FAM227B: variants seen among roughly 807,000 people sequenced by gnomAD.
The protein encoded by FAM227B is family with sequence similarity 227 member B.
A neutral mutation model predicts 73.8 loss-of-function variants in FAM227B; 88 were observed. The observed-to-expected ratio is 1.19, with a 90% confidence interval of 1.00 to 1.42. The LOEUF (loss-of-function observed/expected upper bound fraction) is 1.42, where lower values mean the gene tolerates loss of function less well. FAM227B is among the 40% of genes most tolerant of loss of function. The pLI, the probability that FAM227B is intolerant of heterozygous loss-of-function variation, is 0.00. For synonymous variants in FAM227B, 210 were observed against 190.5 expected, an observed-to-expected ratio of 1.10 and a Z score of -0.84; for missense variants, 632 against 590.9, an observed-to-expected ratio of 1.07 and a Z score of -0.72.
intron 13 of FAM227B, among the ~76,000 whole-genome samples, chr15:49,354,970 G>A (rs1211150221): frequency 6.6e-6 from 1 of 151,950 alleles, no homozygotes; most frequent in Non-Finnish European, 1.5e-5. Flanking sequence ...GCACCCCCCA[G>A]CAGGGGCACA....
In FAM227B at chr15:49,328,104, A is replaced by T. The variant is rs2037847614; in HGVS notation, c.*464T>A. On this transcript the variant is annotated 3_prime_UTR_variant, in exon 16 of 16. Coordinates refer to ENST00000299338, the MANE Select transcript of FAM227B (RefSeq NM_152647.3). ...GATGGAAGCTTAGCACCGGAGAAGC[A>T]AAGTTTGTTTGCTACCAAACCTGGA... 2 of 1,614,036 alleles carry T rather than the reference A, an allele frequency of 1.2e-6. No individual in the cohort carries two copies. Among genetic ancestry groups the T allele is most frequent in the African/African-American group, 2.7e-5 (2 of 74,926 alleles).
At chr15:49,422,175 CGCGTGCACGCGT>C (rs1271813863) in intron 11 of FAM227B, among the ~76,000 whole-genome samples, 11 of 127,370 alleles carry the variant, frequency 8.6e-5, no homozygotes, top group Admixed American at 8.5e-4. Flanking sequence ...CGCGCGCGCG[CGCGTGCACGCGT>C]GTGTGTTTTG....
At position 49,409,753 on chromosome 15, in the gene FAM227B, C is replaced by A. The variant is rs938692478; in HGVS notation, c.1013-38354G>T. ...TATTCCACTTCTTTCCCTGTTCTGG[C>A]AAACTATACCTAAGACTAGTTTCAT... On this transcript the variant is annotated intron_variant, in intron 11 of 15. Transcript: ENST00000299338. Among the ~76,000 whole-genome samples, 9 of 151,998 alleles carry A rather than the reference C, an allele frequency of 5.9e-5. 1 individual carries two copies. Among genetic ancestry groups the A allele is most frequent in the Admixed American group, 5.2e-4 (8 of 15,248 alleles).
intron 13 of FAM227B, 139 bp from the exon 14 acceptor site, chr15:49,335,635 T>C: frequency 1.8e-6 from 1 of 561,872 alleles, no homozygotes; most frequent in Non-Finnish European, 3.2e-6. Context: ...ACATGAATAT[T>C]ATGTCTGGAG....
At chr15:49,344,704 A>G (rs1445336431) in intron 13 of FAM227B, among the ~76,000 whole-genome samples, 2 of 152,216 alleles carry the variant, frequency 1.3e-5, no homozygotes, top group East Asian at 3.8e-4. Flanking sequence ...AATCTCAGTT[A>G]TGCCAGGTTT....
At chr15:49,354,504 G>T (rs921599201) in intron 13 of FAM227B, among the ~76,000 whole-genome samples, 16 of 152,188 alleles carry the variant, frequency 1.1e-4, no homozygotes, top group Non-Finnish European at 7.3e-5. Context: ...CTGGAAAATC[G>T]TGTCACTCCC....
intron 11 of FAM227B, among the ~76,000 whole-genome samples, chr15:49,386,395 G>A (rs1274071434): frequency 2.0e-5 from 3 of 151,642 alleles, no homozygotes; most frequent in Admixed American, 1.3e-4. Context: ...AGCTGCTTCT[G>A]ACTGATATCT....
intron 8 of FAM227B, among the ~76,000 whole-genome samples, 161 bp from the exon 9 acceptor site, chr15:49,568,507 G>A (rs1478452701): frequency 6.6e-6 from 1 of 151,976 alleles, no homozygotes; most frequent in Non-Finnish European, 1.5e-5. Flanking sequence ...AACACTGGCT[G>A]TTATGCATTG....
chr15:49,550,964 C>T (rs1305444359), intron 9 of FAM227B, among the ~76,000 whole-genome samples: 6 of 151,956 alleles, frequency 3.9e-5, no homozygotes, highest in African/African-American at 1.2e-4. Context: ...GAGCCGAGAT[C>T]ACACCACTGC....
intron 1 of FAM227B, among the ~76,000 whole-genome samples, chr15:49,617,644 C>A (rs2078373983): frequency 6.6e-6 from 1 of 152,042 alleles, no homozygotes; most frequent in South Asian, 2.1e-4. Flanking sequence ...AAATTCATCT[C>A]ATATTAGTTT....
At chr15:49,476,640 A>G (rs184114043) in intron 11 of FAM227B, among the ~76,000 whole-genome samples, 2 of 149,800 alleles carry the variant, frequency 1.3e-5, no homozygotes, top group Admixed American at 1.3e-4. Context: ...TTGGACATAA[A>G]TAAATAATGT....
intron 5 of FAM227B, among the ~76,000 whole-genome samples, chr15:49,581,777 T>G (rs1161223113): frequency 6.6e-6 from 1 of 152,026 alleles, no homozygotes. Flanking sequence ...CTTCAGGGAG[T>G]GCTAAATACG....
At chr15:49,436,109 T>C (rs2051083665) in intron 11 of FAM227B, among the ~76,000 whole-genome samples, 1 of 151,600 alleles carries the variant, frequency 6.6e-6, no homozygotes, top group Non-Finnish European at 1.5e-5. Flanking sequence ...AGTTTGCTGG[T>C]ATATAAATTC....
At position 49,332,114 on chromosome 15, in the gene FAM227B, C is replaced by T. The variant is rs569476419; in HGVS notation, c.1350-265G>A. On this transcript the variant is annotated intron_variant, in intron 14 of 15. Transcript: ENST00000299338. Reference sequence around the variant, plus strand: ...ACACACACACACACACACACACACACACACATCCACAACAGTCATACACTT... The same window carrying T: ...ACACACACACACACACACACACACATACACATCCACAACAGTCATACACTT... 4.7e-5 allele frequency among the ~76,000 whole-genome samples: 7 copies of T among 149,252 alleles called. No homozygotes were observed. In the East Asian group the frequency reaches 1.0e-3, roughly 21 times the overall value.
At chr15:49,542,168 G>A (rs1406243244) in intron 9 of FAM227B, among the ~76,000 whole-genome samples, 1 of 151,940 alleles carries the variant, frequency 6.6e-6, no homozygotes, top group Admixed American at 6.6e-5. Context: ...TACATGTGCA[G>A]GTTTCTTATA....
intron 13 of FAM227B, among the ~76,000 whole-genome samples, chr15:49,355,202 C>T (rs185148554): frequency 0.027 from 4,058 of 152,200 alleles, 78 homozygotes; most frequent in Admixed American, 0.045. Context: ...TCCAAAGGAA[C>T]GCAGTTCCTC....
At chr15:49,397,048 T>G (rs1345001684) in intron 11 of FAM227B, among the ~76,000 whole-genome samples, 1 of 152,118 alleles carries the variant, frequency 6.6e-6, no homozygotes, top group African/African-American at 2.4e-5. Context: ...CAAATTACTC[T>G]GAGCTACGGG....
intron 10 of FAM227B, among the ~76,000 whole-genome samples, chr15:49,531,383 A>G (rs1003952599): frequency 6.6e-6 from 1 of 152,006 alleles, no homozygotes; most frequent in Non-Finnish European, 1.5e-5. Flanking sequence ...ATCATAGAAA[A>G]ATTTAAAAAT....
intron 11 of FAM227B, among the ~76,000 whole-genome samples, chr15:49,467,653 T>TA (rs1424040008): frequency 1.3e-5 from 2 of 152,106 alleles, no homozygotes; most frequent in Non-Finnish European, 2.9e-5. Context: ...GAGCCATTTT[T>TA]AAAAAAACAC....
Sources: gnomAD v4.1 joint callset for allele counts (sites outside exome capture counted in the v4.1 genomes callset) on GRCh38, gnomAD v4.1.1 for gene constraint, MANE v1.5 for transcripts, NCBI Gene and HGNC (gene_info 2026-07-23, HGNC 2026-07-21) for gene names.